Variants in MIER2 observed in about 807,000 individuals in gnomAD.
The protein encoded by MIER2 is MIER family member 2, also known as mesoderm induction early response protein 2.
Under a neutral mutation model 67.6 loss-of-function variants are expected in MIER2, and 30 were observed. The observed-to-expected ratio is 0.44, with a 90% CI of 0.33 to 0.60. The LOEUF (loss-of-function observed/expected upper bound fraction) is 0.60. Ranked by LOEUF, MIER2 falls within the 20% of genes least tolerant of loss-of-function variation. The probability of loss-of-function intolerance (pLI) is 0.02; values close to 1 mark genes in which losing one functional copy is unlikely to be tolerated. For synonymous variants in MIER2, 372 were observed against 312.6 expected, an observed-to-expected ratio of 1.19 and a Z score of -2.00; for missense variants, 702 against 745.1, an observed-to-expected ratio of 0.94 and a Z score of 0.67.
chr19:306,745 T>G (rs1334393357), intron 13 of MIER2, 34 bp from the exon 14 acceptor site: 21 of 1,554,652 alleles, frequency 1.4e-5, no homozygotes, highest in Non-Finnish European at 1.8e-5. Context: ...ACGCAGAGAG[T>G]GTCAGTGCGG....
chr19:311,943 C>T lies in MIER2; in HGVS notation c.890-4G>A. The T allele has an allele frequency of 1.2e-6, 2 of 1,613,736 alleles. No individual in the cohort carries two copies. Among genetic ancestry groups the T allele is most frequent in the Non-Finnish European group, 1.7e-6 (2 of 1,179,782 alleles). On this transcript the variant is annotated splice_region_variant and splice_polypyrimidine_tract_variant and intron_variant, in intron 9 of 13. Coordinates refer to ENST00000264819, the MANE Select transcript of MIER2 (RefSeq NM_017550.3). ...TCACTCCAAGCACAGAGCCCATCTG[C>T]AAACACGGCCGGGGAGAACGGTCAG...
chr19:306,796 G>C (rs893025664), intron 13 of MIER2, 85 bp from the exon 14 acceptor site: 3 of 1,541,986 alleles, frequency 1.9e-6, no homozygotes, highest in African/African-American at 1.4e-5. Flanking sequence ...CGCTGGACTC[G>C]AGACTCCCAG....
At chr19:314,938 G>A (rs1012376527) in intron 7 of MIER2, among the ~76,000 whole-genome samples, 2 of 151,968 alleles carry the variant, frequency 1.3e-5, no homozygotes, top group Non-Finnish European at 2.9e-5. Flanking sequence ...GTACAGGCAC[G>A]TCTGTAGTCC....
In MIER2 at chr19:306,495, G is replaced by A; in HGVS notation, c.*195C>T. The A allele has an allele frequency of 2.7e-6, 2 of 734,204 alleles. No homozygotes were observed. The highest frequency in any genetic ancestry group is 4.4e-6 in the Non-Finnish European group (2 of 453,558). The allele number at this position is 734,204 out of a possible 1,614,324, so 45.5% of individuals were successfully genotyped here. On this transcript the variant is annotated 3_prime_UTR_variant, in exon 14 of 14. Transcript: ENST00000264819. ...CGCTGACGGCGCTGGGTGGGGCCGT[G>A]GGTCCATTCTGTGTGGACAGGGGCA... is the stretch of plus-strand genomic sequence containing the variant.
chr19:307,547 G>A lies in MIER2; in HGVS notation c.1199-11C>T, dbSNP rs1362735986. The stretch of plus-strand genomic sequence containing the variant: ...CCACGCTCAGTGGATCTGTGAAAGA[G>A]AACGCAACAGAGGGTGGGGCCTGCC... On this transcript the variant is annotated splice_polypyrimidine_tract_variant and intron_variant, in intron 12 of 13. Transcript: ENST00000264819. 2.0e-6 allele frequency: 3 copies of A among 1,495,250 alleles called. No individual in the cohort carries two copies. The highest frequency in any genetic ancestry group is 4.6e-5 in the Admixed American group (2 of 43,346). The allele number at this position is 1,495,250 out of a possible 1,614,324, so 92.6% of individuals were successfully genotyped here.
intron 7 of MIER2, among the ~76,000 whole-genome samples, chr19:316,297 A>AT (rs112050180): frequency 6.8e-4 from 101 of 148,256 alleles, no homozygotes; most frequent in Non-Finnish European, 8.5e-4. Flanking sequence ...TGATATGTAG[A>AT]TTTTTTTTTT....
intron 1 of MIER2, among the ~76,000 whole-genome samples, chr19:343,235 G>C (rs1439971873): frequency 6.6e-6 from 1 of 152,204 alleles, no homozygotes; most frequent in Non-Finnish European, 1.5e-5. Context: ...GCAGCTCTGG[G>C]GGAGGCTGGC....
chr19:314,499 C>T (rs1040443866), intron 7 of MIER2, among the ~76,000 whole-genome samples: 2 of 152,158 alleles, frequency 1.3e-5, no homozygotes, highest in Admixed American at 1.3e-4. Flanking sequence ...AATCAGTGCA[C>T]GGGAAGAAAT....
In MIER2 at chr19:308,971, C is replaced by T; in HGVS notation, c.985-46G>A. 1 of 1,576,152 alleles carries T rather than the reference C, an allele frequency of 6.3e-7. No homozygotes were observed. Among genetic ancestry groups the T allele is most frequent in the Non-Finnish European group, 8.7e-7 (1 of 1,154,866 alleles). On this transcript the variant is annotated intron_variant, in intron 10 of 13. Transcript: ENST00000264819. The surrounding 1 kb of genome is among the most constrained non-coding windows in gnomAD (Gnocchi z 9.1). The stretch of plus-strand genomic sequence containing the variant: ...CCATCTCTGTCCCCGGCTGCCCAGC[C>T]CCAGCACCTGCACCACGATCCCAGG...
chr19:326,473 G>C, intron 6 of MIER2, 34 bp downstream of exon 6: 1 of 1,585,528 alleles, frequency 6.3e-7, no homozygotes, highest in Non-Finnish European at 8.7e-7. Flanking sequence ...CCACGGCCGG[G>C]ATGCCAGGTT....
At chr19:332,478 T>C (rs1972074015) in intron 3 of MIER2, among the ~76,000 whole-genome samples, 1 of 151,574 alleles carries the variant, frequency 6.6e-6, no homozygotes, top group South Asian at 2.1e-4. Context: ...ATTTTTGTAT[T>C]TTTAGTAGAG....
At position 306,454 on chromosome 19, in the gene MIER2, G is replaced by C. The variant is rs937621327; in HGVS notation, c.*236C>G. On this transcript the variant is annotated 3_prime_UTR_variant, in exon 14 of 14. Transcript: ENST00000264819. ...CACGTGCAGGCAGCGGCCCGGACCC[G>C]GGTGGCAGTGCCGGGCGCTGACGGC... 3 of 615,622 alleles carry C rather than the reference G, an allele frequency of 4.9e-6. No homozygotes were observed. Among genetic ancestry groups the C allele is most frequent in the Non-Finnish European group, 8.5e-6 (3 of 352,836 alleles). 38.1% of individuals were successfully genotyped at this position (615,622 alleles called of 1,614,324 possible).
At position 327,885 on chromosome 19, in the gene MIER2, G is replaced by T. The variant is rs1300664960; in HGVS notation, c.348C>A (p.Leu116=). Residue 116 remains leucine, a synonymous_variant, in exon 4 of 14, where the codon CTC becomes CTA. Transcript: ENST00000264819. ...TTACTTTGTCCAGGGTCATGTCTGG[G>T]AGGTTCGGGGCCACGTCACCACCCT... ...ESEGGDVAPN[L]PDMTLDKEQI... 9 of 1,612,374 alleles carry T rather than the reference G, an allele frequency of 5.6e-6. No individual in the cohort carries two copies. The Admixed American group carries it at 8.4e-5, about 15-fold the overall frequency.
chr19:307,262 C>A lies in MIER2; in HGVS notation c.1473G>T (p.Gly491=). 2 of 1,597,064 alleles carry A rather than the reference C, an allele frequency of 1.3e-6. No individual in the cohort carries two copies. Among genetic ancestry groups the A allele is most frequent in the Non-Finnish European group, 1.7e-6 (2 of 1,172,308 alleles). ...PLISSHVDLS[G]DPEETVAPAQ... ...CTGGGGCCACAGTCTCCTCCGGATC[C>A]CCGCTGAGGTCCACATGGCTGGAGA... Residue 491 remains glycine (G), a synonymous_variant, in exon 13 of 14, where the codon GGG becomes GGT. Coordinates refer to ENST00000264819, the MANE Select transcript of MIER2 (RefSeq NM_017550.3).
rs1328860435 is a variant in MIER2 at position 310,024 on chromosome 19, G to A, written c.985-1099C>T. ...CACACACACGCACACAAGGCTTCAG[G>A]GAGACGAGAAGGGACACACACACAC... On this transcript the variant is annotated intron_variant, in intron 10 of 13. Transcript: ENST00000264819. Among the ~76,000 whole-genome samples the A allele has an allele frequency of 2.1e-5, 3 of 144,684 alleles. No homozygotes were observed. In the East Asian group the frequency reaches 6.1e-4, roughly 29 times the overall value. 94.9% of individuals were successfully genotyped at this position (144,684 alleles called of 152,430 possible). A position where few individuals can be genotyped will look rare whatever the true frequency, so the allele number is the denominator to read the frequency against.
chr19:313,657 G>A lies in MIER2; in HGVS notation c.656-14C>T, dbSNP rs748642808. 39 of 1,606,588 alleles carry A rather than the reference G, an allele frequency of 2.4e-5. No homozygotes were observed. The highest frequency in any genetic ancestry group is 3.1e-5 in the Non-Finnish European group (36 of 1,178,982). ...CGTTCTCGTAGACTGCACAAGCAGA[G>A]GGCAAAGGTCAGCTTGCAGGAACCC... is the stretch of plus-strand genomic sequence containing the variant. On this transcript the variant is annotated splice_polypyrimidine_tract_variant and intron_variant, in intron 7 of 13. Transcript: ENST00000264819.
intron 1 of MIER2, among the ~76,000 whole-genome samples, chr19:336,715 C>T (rs1039636949): frequency 4.6e-5 from 7 of 151,914 alleles, no homozygotes; most frequent in Non-Finnish European, 1.0e-4. Context: ...GTTGCATGGT[C>T]GTGAATACAC....
At position 312,249 on chromosome 19, in the gene MIER2, G is replaced by A; in HGVS notation, c.831C>T (p.Cys277=). 6.2e-7 allele frequency: 1 copy of A among 1,613,946 alleles called. No homozygotes were observed. Among genetic ancestry groups the A allele is most frequent in the South Asian group, 1.1e-5 (1 of 91,088 alleles). The change falls in exon 9 of 14, where the codon TGC becomes TGT. Residue 277 remains cysteine, a synonymous_variant. Coordinates refer to ENST00000264819, the MANE Select transcript of MIER2 (RefSeq NM_017550.3). ...SEQALYELVK[C]NFNVEEALRR... ...GCAGGGCCTCCTCCACATTGAAGTT[G>A]CATTTCACCAACTCGTACAGCGCCT...
At chr19:311,711 G>C in intron 10 of MIER2, 134 bp downstream of exon 10, 4 of 762,658 alleles carry the variant, frequency 5.2e-6, no homozygotes, top group South Asian at 3.5e-5. Context: ...GACAGCAATG[G>C]GCACACGGTG....
Sources: allele counts gnomAD v4.1 joint callset (sites outside exome capture counted in the v4.1 genomes callset), GRCh38; gene constraint gnomAD v4.1.1; non-coding constraint Gnocchi (gnomAD v3.1); transcripts MANE v1.5; gene names NCBI Gene and HGNC (gene_info 2026-07-23, HGNC 2026-07-21).